The following CSMD2 variants were observed in gnomAD, a reference collection of about 807,000 sequenced individuals.
CSMD2 encodes CUB and sushi domain-containing protein 2.
In CSMD2, 130 loss-of-function variants were observed where a neutral mutation model predicts 398.5. The observed-to-expected ratio is 0.33, with a 90% CI of 0.28 to 0.38. CSMD2 has a LOEUF of 0.38. CSMD2 is among the 10% of genes least tolerant of loss of function. The pLI is 1.00. For missense variants in CSMD2, 3,829 were observed against 4,764.9 expected (o/e 0.80, Z 5.78); for synonymous variants, 1,828 against 1,908.5 (o/e 0.96, Z 1.10).
intron 5 of CSMD2, among the ~76,000 whole-genome samples, chr1:33,888,219 C>T (rs1296134926): frequency 6.6e-6 from 1 of 151,974 alleles, no homozygotes; most frequent in Non-Finnish European, 1.5e-5. Context: ...GAAATTTCAA[C>T]GAAAGTCACA....
In CSMD2 at chr1:34,089,176, G is replaced by T; in HGVS notation, c.205C>A (p.Gln69Lys). 1.2e-6 allele frequency: 2 copies of T among 1,614,108 alleles called. No homozygotes were observed. Among genetic ancestry groups the T allele is most frequent in the South Asian group, 1.1e-5 (1 of 91,070 alleles). Residue 69 changes from glutamine (Q) to lysine (K), a missense_variant, in exon 2 of 71, where the codon CAA becomes AAA. Coordinates refer to ENST00000373381, the MANE Select transcript of CSMD2 (RefSeq NM_001281956.2). Reference protein sequence around the residue: ...SAAAGQNCTFQLHGPNGTVES... With the variant: ...SAAAGQNCTFKLHGPNGTVES... ...ACTGTCCCATTGGGACCGTGCAGTTGGAACGTGCAGTTCTGGCCTGGGAAA... is the reference window on the plus strand; with the variant it reads ...ACTGTCCCATTGGGACCGTGCAGTTTGAACGTGCAGTTCTGGCCTGGGAAA...
intron 3 of CSMD2, among the ~76,000 whole-genome samples, chr1:33,954,179 T>C (rs184274791): frequency 6.6e-6 from 1 of 152,252 alleles, no homozygotes; most frequent in African/African-American, 2.4e-5. Context: ...GTAGGTATAG[T>C]ACTATCATGA....
intron 1 of CSMD2, among the ~76,000 whole-genome samples, chr1:34,153,645 A>G (rs978446129): frequency 6.6e-6 from 1 of 152,222 alleles, no homozygotes. Flanking sequence ...TTCTCTAGGT[A>G]TAGCATCCAT....
At chr1:33,932,094 C>T (rs1275829280) in intron 4 of CSMD2, among the ~76,000 whole-genome samples, 1 of 152,104 alleles carries the variant, frequency 6.6e-6, no homozygotes, top group East Asian at 1.9e-4. Context: ...AGCTTGGCCA[C>T]TGTTGGTGGG....
At chr1:34,131,549 G>T (rs1457021690) in intron 1 of CSMD2, among the ~76,000 whole-genome samples, 3 of 152,004 alleles carry the variant, frequency 2.0e-5, no homozygotes, top group African/African-American at 7.2e-5. Flanking sequence ...CCACTCCAGG[G>T]ACCTAGCTTG....
At chr1:33,952,162 G>A (rs1435599265) in intron 3 of CSMD2, among the ~76,000 whole-genome samples, 1 of 152,194 alleles carries the variant, frequency 6.6e-6, no homozygotes, top group Non-Finnish European at 1.5e-5. Context: ...ATGACCCCAA[G>A]TATCTTGAGA....
Position 33,593,474 on chromosome 1 carries a change from T to C in CSMD2, c.6857-6306A>G, listed in dbSNP as rs573493308. ...TAATCATGGTGGAAGTTGAAAGGCATGTCTCACATGGTGGCAGACAAGACA... is the reference window on the plus strand; with the variant it reads ...TAATCATGGTGGAAGTTGAAAGGCACGTCTCACATGGTGGCAGACAAGACA... On this transcript the variant is annotated intron_variant, in intron 44 of 70. Coordinates refer to ENST00000373381, the MANE Select transcript of CSMD2 (RefSeq NM_001281956.2). Among the ~76,000 whole-genome samples the C allele has an allele frequency of 3.9e-3, 589 of 152,364 alleles. 2 individuals carry two copies. The highest frequency in any genetic ancestry group is 0.013 in the African/African-American group (557 of 41,584).
At chr1:34,078,514 C>T (rs1467711987) in intron 2 of CSMD2, among the ~76,000 whole-genome samples, 3 of 152,074 alleles carry the variant, frequency 2.0e-5, no homozygotes, top group Non-Finnish European at 2.9e-5. Flanking sequence ...ACAATGTTTC[C>T]GGACCACGTA....
chr1:34,010,004 T>C (rs1647194651), intron 3 of CSMD2, among the ~76,000 whole-genome samples: 1 of 152,184 alleles, frequency 6.6e-6, no homozygotes, highest in Non-Finnish European at 1.5e-5. Flanking sequence ...TTTTGAAATG[T>C]CTAATTGTGT....
At chr1:33,804,041 T>C (rs1039326250) in intron 10 of CSMD2, among the ~76,000 whole-genome samples, 1 of 152,348 alleles carries the variant, frequency 6.6e-6, no homozygotes, top group African/African-American at 2.4e-5. Flanking sequence ...AGCTGTTTCC[T>C]AACCTTTAAC....
chr1:34,107,540 G>A (rs1660640605), intron 1 of CSMD2, among the ~76,000 whole-genome samples: 1 of 152,152 alleles, frequency 6.6e-6, no homozygotes, highest in African/African-American at 2.4e-5. Context: ...TCAGACAGCT[G>A]ATAAAAATGG....
chr1:33,863,861 G>A, intron 5 of CSMD2: 2 of 215,730 alleles, frequency 9.3e-6, no homozygotes, highest in South Asian at 1.1e-4. Flanking sequence ...TATTTCTGGG[G>A]GACATAGCTG....
chr1:33,747,044 C>A (rs1647482366), intron 13 of CSMD2, among the ~76,000 whole-genome samples: 2 of 152,156 alleles, frequency 1.3e-5, no homozygotes, highest in Non-Finnish European at 2.9e-5. Context: ...ACAGCAAAGG[C>A]AACAGAAAGC....
chr1:33,538,486 G>T (rs543040386), intron 60 of CSMD2, among the ~76,000 whole-genome samples: 1 of 152,210 alleles, frequency 6.6e-6, no homozygotes, highest in African/African-American at 2.4e-5. Flanking sequence ...GTGTGTGTGT[G>T]TGTGTCTGTG....
chr1:33,880,797 A>G (rs1641183778), intron 5 of CSMD2, among the ~76,000 whole-genome samples: 1 of 152,234 alleles, frequency 6.6e-6, no homozygotes, highest in African/African-American at 2.4e-5. Context: ...CTTAAGACCT[A>G]CCAAGGGGAC....
chr1:33,925,823 C>T (rs1354871226), intron 4 of CSMD2, among the ~76,000 whole-genome samples: 1 of 152,032 alleles, frequency 6.6e-6, no homozygotes, highest in Non-Finnish European at 1.5e-5. Flanking sequence ...TCTGCAGCCA[C>T]CCTGGCCTCC....
chr1:33,651,641 T>C (rs1643760576), intron 28 of CSMD2, among the ~76,000 whole-genome samples: 1 of 152,108 alleles, frequency 6.6e-6, no homozygotes, highest in African/African-American at 2.4e-5. Context: ...CTTGGAGAAC[T>C]GGGAAGAGTA....
chr1:33,832,717 T>A (rs1251083289), intron 6 of CSMD2, among the ~76,000 whole-genome samples: 1 of 150,618 alleles, frequency 6.6e-6, no homozygotes, highest in Non-Finnish European at 1.5e-5. Context: ...CAGGAGCTGG[T>A]TTTTTGAAAG....
intron 13 of CSMD2, among the ~76,000 whole-genome samples, chr1:33,768,973 T>C (rs1468800879): frequency 2.0e-5 from 3 of 152,220 alleles, no homozygotes; most frequent in African/African-American, 7.2e-5. Context: ...TCTTGGCATA[T>C]CTCTGGTGAA....
Sources: allele counts gnomAD v4.1 joint callset (sites outside exome capture counted in the v4.1 genomes callset), GRCh38; gene constraint gnomAD v4.1.1; transcripts MANE v1.5; gene names NCBI Gene and HGNC (gene_info 2026-07-23, HGNC 2026-07-21).